The following ZNF839 variants were observed in gnomAD, a reference collection of about 807,000 sequenced individuals.
ZNF839 encodes the protein renal carcinoma antigen NY-REN-50.
ZNF839 carries 38 observed loss-of-function variants against 56.4 expected under a neutral mutation model. The ratio of observed to expected loss-of-function variants is 0.67; its 90% CI spans 0.52 to 0.88. The LOEUF (loss-of-function observed/expected upper bound fraction) is 0.88, where lower values mean the gene tolerates loss of function less well. Ranked by LOEUF, ZNF839 falls within the 40% of genes least tolerant of loss-of-function variation. The pLI is 0.00. For synonymous variants in ZNF839, 486 were observed against 493.5 expected (o/e 0.98, Z 0.20); for missense variants, 1,091 against 1,177.6 (o/e 0.93, Z 1.08).
intron 2 of ZNF839, among the ~76,000 whole-genome samples, chr14:102,329,823 T>G (rs1019936940): frequency 6.7e-6 from 1 of 148,292 alleles, no homozygotes; most frequent in Non-Finnish European, 1.5e-5. Flanking sequence ...AGACGAAGTT[T>G]TGCTCTGTCA....
chr14:102,340,227 C>T (rs1886357580), intron 7 of ZNF839, among the ~76,000 whole-genome samples: 1 of 150,078 alleles, frequency 6.7e-6, no homozygotes, highest in Non-Finnish European at 1.5e-5. Flanking sequence ...CTGCCCACCT[C>T]GGCCTCCCAA....
At chr14:102,324,751 C>T (rs1379396467) in intron 1 of ZNF839, among the ~76,000 whole-genome samples, 2 of 151,478 alleles carry the variant, frequency 1.3e-5, no homozygotes, top group African/African-American at 2.4e-5. Context: ...GTCAGGATTT[C>T]GAGACCAGCC....
chr14:102,321,592 A>T (rs972105935), intron 1 of ZNF839, among the ~76,000 whole-genome samples: 12 of 152,222 alleles, frequency 7.9e-5, no homozygotes, highest in Admixed American at 3.3e-4. Flanking sequence ...CAGCTGTGTC[A>T]TGGAGGCCAC....
chr14:102,325,341 GA>G (rs199569682), intron 1 of ZNF839, among the ~76,000 whole-genome samples: 18,163 of 104,500 alleles, frequency 0.17, 1,310 homozygotes, highest in African/African-American at 0.28. Context: ...CCTAATCTCA[GA>G]AAAAAAAAAA....
Position 102,320,050 on chromosome 14 carries a change from C to A in ZNF839, c.285C>A (p.Pro95=). 8.5e-7 allele frequency: 1 copy of A among 1,182,384 alleles called. No homozygotes were observed. The highest frequency in any genetic ancestry group is 1.0e-6 in the Non-Finnish European group (1 of 956,370). 73.2% of individuals were successfully genotyped at this position (1,182,384 alleles called of 1,614,324 possible). ...EPPRLPRLLP[P]QQLEAICVKV... ...CGCGCCTGCCGCGCCTGCTCCCGCC[C>A]CAGGTGAGGCGTCGGGAGGGACGTG... Residue 95 remains proline (P), a synonymous_variant, in exon 1 of 8, where the codon CCC becomes CCA. Transcript: ENST00000442396.
At chr14:102,322,638 CA>C (rs2073191687) in intron 1 of ZNF839, among the ~76,000 whole-genome samples, 1 of 152,158 alleles carries the variant, frequency 6.6e-6, no homozygotes, top group Admixed American at 6.5e-5. Context: ...GATCTCGGCT[CA>C]CTACAGCCTC....
chr14:102,322,414 T>G (rs1487594796), intron 1 of ZNF839, among the ~76,000 whole-genome samples: 3 of 152,214 alleles, frequency 2.0e-5, no homozygotes, highest in African/African-American at 7.2e-5. Flanking sequence ...CCAGAAATAC[T>G]GAGTTAACAT....
chr14:102,341,151 G>C (rs1406824408), intron 7 of ZNF839, 172 bp from the exon 8 acceptor site: 1 of 545,928 alleles, frequency 1.8e-6, no homozygotes, highest in East Asian at 3.4e-5. Flanking sequence ...TGTGAATAGA[G>C]AATAGGGACG....
intron 2 of ZNF839, among the ~76,000 whole-genome samples, chr14:102,327,878 T>C (rs1054475173): frequency 1.4e-5 from 2 of 147,570 alleles, no homozygotes; most frequent in Non-Finnish European, 2.9e-5. Context: ...CAGTGCGCTC[T>C]TGGCTGATGT....
chr14:102,336,652 A>C (rs769272565), intron 5 of ZNF839: 20 of 435,304 alleles, frequency 4.6e-5, no homozygotes, highest in African/African-American at 3.7e-4. Flanking sequence ...AAAAATGAAG[A>C]TAAGCTAGAA....
rs573653561 is a variant in ZNF839, at chr14:102,329,001, T to C, written c.1191+2114T>C. ...TTTTTTTTTTTTTGAGATGGAGTCT[T>C]GCTCTGTCGCCAGGCTGGAGTGCAG... On this transcript the variant is annotated intron_variant, in intron 2 of 7. Transcript: ENST00000442396. Among the ~76,000 whole-genome samples the C allele has an allele frequency of 3.4e-3, 513 of 151,834 alleles. 2 individuals are homozygous for C. The highest frequency in any genetic ancestry group is 4.8e-3 in the Non-Finnish European group (327 of 67,884).
At chr14:102,338,193 A>G (rs1886053217) in intron 5 of ZNF839, among the ~76,000 whole-genome samples, 1 of 152,218 alleles carries the variant, frequency 6.6e-6, no homozygotes, top group African/African-American at 2.4e-5. Context: ...GTATCAGCTA[A>G]CATTATTAAG....
chr14:102,328,378 ATATATATATATATATAT>A (rs2073567507), intron 2 of ZNF839, among the ~76,000 whole-genome samples: 15 of 45,212 alleles, frequency 3.3e-4, no homozygotes, highest in African/African-American at 1.3e-3. Context: ...AAAAAAAAAT[ATATATATATATATATAT>A]ATATATATAT....
At chr14:102,321,309 G>A (rs2073115413) in intron 1 of ZNF839, among the ~76,000 whole-genome samples, 1 of 152,254 alleles carries the variant, frequency 6.6e-6, no homozygotes, top group African/African-American at 2.4e-5. Flanking sequence ...TGGGAAACAA[G>A]CTCAGGGAGG....
chr14:102,339,724 G>A (rs1886286052), intron 7 of ZNF839, among the ~76,000 whole-genome samples: 1 of 151,818 alleles, frequency 6.6e-6, no homozygotes, highest in African/African-American at 2.4e-5. Context: ...ACTCCAGCCT[G>A]GGTAACAGAG....
chr14:102,338,991 C>T (rs372828002), intron 6 of ZNF839, 38 bp downstream of exon 6: 50 of 1,613,708 alleles, frequency 3.1e-5, no homozygotes, highest in African/African-American at 6.7e-5. Flanking sequence ...TGACTGTGCA[C>T]GGTGAATTAG....
Position 102,331,893 on chromosome 14 carries a change from G to A in ZNF839, c.1416+47G>A, listed in dbSNP as rs746066533. 5 of 1,452,124 alleles carry A rather than the reference G, an allele frequency of 3.4e-6. No individual in the cohort carries two copies. In the South Asian group the frequency reaches 5.1e-5, roughly 15 times the overall value. 90.0% of individuals were successfully genotyped at this position (1,452,124 alleles called of 1,614,324 possible). ...TGCTTGAAACCCGTGTCTTTAGCAT[G>A]GATGTGGCAATCACTATCAGTTTCT... On this transcript the variant is annotated intron_variant, in intron 3 of 7. Transcript: ENST00000442396.
Position 102,319,935 on chromosome 14 carries a change from CG to C in ZNF839, c.171del (p.Phe60SerfsTer39). ...ACGAAGGCGCAGCCGCCGCCGCCGC[CG>C]CCCCCCTTCGTGCTGCGGGACGCGG... ...QVTKAQPPPP[P>X]PPFVLRDAAR... On this transcript the variant is annotated frameshift_variant, in exon 1 of 8. Coordinates refer to ENST00000442396, the MANE Select transcript of ZNF839 (RefSeq NM_018335.6). LOFTEE classifies it high-confidence loss of function. This position sits in a 1 kb window ranked among gnomAD's most constrained non-coding sequence, Gnocchi z 4.5. 1.7e-6 allele frequency: 2 copies of C among 1,206,260 alleles called. No homozygotes were observed. The highest frequency in any genetic ancestry group is 2.7e-5 in the South Asian group (1 of 36,934). The allele number at this position is 1,206,260 out of a possible 1,614,324, so 74.7% of individuals were successfully genotyped here.
chr14:102,318,084 A>G (rs1026478833), upstream of ZNF839, among the ~76,000 whole-genome samples: 60 of 152,234 alleles, frequency 3.9e-4, no homozygotes, highest in African/African-American at 1.4e-3. Context: ...AAAGTTCTCA[A>G]TAAATGCCAG....
Sources: allele counts gnomAD v4.1 joint callset (sites outside exome capture counted in the v4.1 genomes callset), GRCh38; gene constraint gnomAD v4.1.1; non-coding constraint Gnocchi (gnomAD v3.1); transcripts MANE v1.5; gene names NCBI Gene and HGNC (gene_info 2026-07-23, HGNC 2026-07-21).